Variants in CSMD1 observed in about 807,000 individuals in gnomAD.
The protein encoded by CSMD1 is CUB and sushi domain-containing protein 1.
Under a neutral mutation model 417.5 loss-of-function variants are expected in CSMD1, and 213 were observed. The ratio of observed to expected loss-of-function variants is 0.51; its 90% CI spans 0.46 to 0.57. The LOEUF is 0.57. Among genes scored for constraint, CSMD1 ranks in the 20% least tolerant of loss-of-function variants. The pLI, the probability that CSMD1 is intolerant of heterozygous loss-of-function variation, is 0.00. For missense variants in CSMD1, 6,923 were observed against 4,529.7 expected (o/e 1.53, Z -15.17); for synonymous variants, 2,862 against 1,736.8 (o/e 1.65, Z -16.11).
At chr8:4,479,536 G>A (rs186016224) in intron 2 of CSMD1, among the ~76,000 whole-genome samples, 27 of 152,220 alleles carry the variant, frequency 1.8e-4, no homozygotes, top group African/African-American at 6.5e-4. Flanking sequence ...TTTACTCATT[G>A]ATCACTCGTT....
chr8:4,565,012 G>C (rs1000621605), intron 2 of CSMD1, among the ~76,000 whole-genome samples: 1 of 152,134 alleles, frequency 6.6e-6, no homozygotes, highest in African/African-American at 2.4e-5. Context: ...TGTAATGATA[G>C]ATGTCTGTCA....
chr8:3,493,714 C>G lies in CSMD1; in HGVS notation c.1357G>C (p.Ala453Pro). Residue 453 changes from alanine (A) to proline (P), a missense_variant, in exon 11 of 70, where the codon GCC becomes CCC. Coordinates refer to ENST00000635120, the MANE Select transcript of CSMD1 (RefSeq NM_033225.6). ...CGCTCCAGCTCAAACTCTTCAAAGGCAAGCTTGATGACCTAAATACAAGGT... is the reference window on the plus strand; with the variant it reads ...CGCTCCAGCTCAAACTCTTCAAAGGGAAGCTTGATGACCTAAATACAAGGT... ...TTDPDKVIKL[A>P]FEEFELERGY... 6.2e-7 allele frequency: 1 copy of G among 1,610,418 alleles called. No homozygotes were observed. Among genetic ancestry groups the G allele is most frequent in the Non-Finnish European group, 8.5e-7 (1 of 1,178,406 alleles).
At chr8:4,292,894 A>C (rs1178817490) in intron 3 of CSMD1, among the ~76,000 whole-genome samples, 3 of 152,194 alleles carry the variant, frequency 2.0e-5, no homozygotes, top group African/African-American at 7.2e-5. Flanking sequence ...GTAAAGAGAT[A>C]ATTTGTTAGT....
intron 3 of CSMD1, among the ~76,000 whole-genome samples, chr8:4,338,838 A>G (rs1255630734): frequency 6.6e-6 from 1 of 152,120 alleles, no homozygotes; most frequent in Non-Finnish European, 1.5e-5. Context: ...ATTCAGCTTT[A>G]TATTACTTTT....
chr8:4,014,706 G>C (rs1351562403), intron 4 of CSMD1, among the ~76,000 whole-genome samples: 1 of 152,194 alleles, frequency 6.6e-6, no homozygotes, highest in Non-Finnish European at 1.5e-5. Flanking sequence ...GAGCTAGAAT[G>C]ACAAAGTCCT....
chr8:4,565,768 A>ATATATATATG (rs1798573747), intron 2 of CSMD1, among the ~76,000 whole-genome samples: 1 of 15,120 alleles, frequency 6.6e-5, no homozygotes, highest in Non-Finnish European at 2.1e-4. Flanking sequence ...ATATATATAT[A>ATATATATATG]TATATATATA....
chr8:4,589,313 G>T (rs1276209649), intron 2 of CSMD1, among the ~76,000 whole-genome samples: 5 of 152,150 alleles, frequency 3.3e-5, no homozygotes, highest in African/African-American at 1.2e-4. Flanking sequence ...TGATGCCTCA[G>T]TGATCTTTAG....
At chr8:3,454,105 G>A (rs951879547) in intron 12 of CSMD1, among the ~76,000 whole-genome samples, 1 of 152,112 alleles carries the variant, frequency 6.6e-6, no homozygotes, top group Non-Finnish European at 1.5e-5. Flanking sequence ...TTGGTTTAAA[G>A]TCTGTTTTAT....
intron 30 of CSMD1, among the ~76,000 whole-genome samples, chr8:3,213,271 T>C (rs1201445028): frequency 6.6e-6 from 1 of 152,216 alleles, no homozygotes. Flanking sequence ...TAGAAATGAA[T>C]GTCTCTGCAA....
At chr8:2,989,823 G>A (rs760306691) in intron 54 of CSMD1, among the ~76,000 whole-genome samples, 2 of 152,162 alleles carry the variant, frequency 1.3e-5, no homozygotes, top group Admixed American at 1.3e-4. Context: ...AACAAGTTTT[G>A]TGTCCAATGC....
intron 3 of CSMD1, among the ~76,000 whole-genome samples, chr8:4,223,881 G>C (rs781258035): frequency 3.3e-5 from 5 of 152,122 alleles, no homozygotes; most frequent in African/African-American, 1.2e-4. Flanking sequence ...GTCCTGCATG[G>C]AAAATTAAAA....
intron 1 of CSMD1, among the ~76,000 whole-genome samples, chr8:4,672,517 C>G (rs2130951250): frequency 6.6e-6 from 1 of 152,256 alleles, no homozygotes; most frequent in East Asian, 1.9e-4. Flanking sequence ...TAATAAGGAT[C>G]TTTGGTGAAA....
chr8:3,517,386 C>G (rs1797326133), intron 10 of CSMD1, among the ~76,000 whole-genome samples: 2 of 152,156 alleles, frequency 1.3e-5, no homozygotes, highest in South Asian at 2.1e-4. Context: ...TTTAAGGAAG[C>G]TGATAAACAA....
chr8:4,041,683 G>T (rs1037180526), intron 3 of CSMD1, among the ~76,000 whole-genome samples: 2 of 152,108 alleles, frequency 1.3e-5, no homozygotes, highest in African/African-American at 2.4e-5. Flanking sequence ...AAATAAAACA[G>T]AATTTTCAAT....
intron 2 of CSMD1, among the ~76,000 whole-genome samples, chr8:4,559,729 C>T (rs551052992): frequency 1.8e-4 from 28 of 152,206 alleles, no homozygotes; most frequent in Non-Finnish European, 3.4e-4. Flanking sequence ...CTCCATCAGT[C>T]TTTCTGTTAT....
intron 49 of CSMD1, among the ~76,000 whole-genome samples, chr8:3,072,779 T>C (rs979040413): frequency 1.3e-5 from 2 of 152,176 alleles, no homozygotes; most frequent in African/African-American, 4.8e-5. Context: ...ATCGTATTGG[T>C]TAGCACAGCT....
At chr8:3,513,003 G>C (rs1249310339) in intron 10 of CSMD1, among the ~76,000 whole-genome samples, 1 of 152,088 alleles carries the variant, frequency 6.6e-6, no homozygotes, top group Non-Finnish European at 1.5e-5. Context: ...GCATTAGCAT[G>C]CTTGAAAGAT....
At chr8:3,692,906 T>C (rs1800330809) in intron 7 of CSMD1, among the ~76,000 whole-genome samples, 1 of 152,182 alleles carries the variant, frequency 6.6e-6, no homozygotes, top group Non-Finnish European at 1.5e-5. Context: ...CCTAACAAAA[T>C]GCCATTCAAT....
At chr8:3,683,253 TA>T (rs1799761221) in intron 7 of CSMD1, among the ~76,000 whole-genome samples, 2 of 151,678 alleles carry the variant, frequency 1.3e-5, no homozygotes. Context: ...AATAAAAAAA[TA>T]AAGACAGTGA....
Sources: allele counts gnomAD v4.1 joint callset (sites outside exome capture counted in the v4.1 genomes callset), GRCh38; gene constraint gnomAD v4.1.1; transcripts MANE v1.5; gene names NCBI Gene and HGNC (gene_info 2026-07-23, HGNC 2026-07-21).